Variants in DOK3 observed in about 807,000 individuals in gnomAD.
DOK3 encodes Dok-like protein.
In DOK3, 23 loss-of-function variants were observed where a neutral mutation model predicts 26.2. That is an observed-to-expected ratio of 0.88 (90% CI 0.63 to 1.24). The LOEUF (loss-of-function observed/expected upper bound fraction) is 1.24, where lower values mean the gene tolerates loss of function less well. Ranked by LOEUF, DOK3 falls within the 50% of genes most tolerant of loss-of-function variation. DOK3 has a pLI of 0.00. For synonymous variants in DOK3, 268 were observed against 268.2 expected (o/e 1.00, Z 0.01); for missense variants, 619 against 610.6 (o/e 1.01, Z -0.15).
At position 177,503,979 on chromosome 5, in the gene DOK3, G is replaced by T; in HGVS notation, c.*4C>A. 6.5e-7 allele frequency: 1 copy of T among 1,538,194 alleles called. No homozygotes were observed. ...TCCCCTCTGGCCACCACTCTGCTGG[G>T]CGTTCAGGGCCGGTCACAAGGGGCT... On this transcript the variant is annotated 3_prime_UTR_variant, in exon 6 of 6. Transcript: ENST00000510898.
rs1310032528 is a variant in DOK3, at chr5:177,509,792, T to G, written c.-152A>C. 1 of 1,611,932 alleles carries G rather than the reference T, an allele frequency of 6.2e-7. No homozygotes were observed. The highest frequency in any genetic ancestry group is 2.2e-5 in the East Asian group (1 of 44,860). ...GCCCCCGGCCACCTGAAGGCAGCCT[T>G]CTCACGCACCTGGTTCAGCTGGGCA... On this transcript the variant is annotated 5_prime_UTR_variant, in exon 1 of 6. Coordinates refer to ENST00000510898, the MANE Select transcript of DOK3 (RefSeq NM_001308236.3).
chr5:177,509,750 A>C lies in DOK3; in HGVS notation c.-118+8T>G. ...GGGGTTCTGGCTGCCCAAGGTGCCC[A>C]CACCTACCTGGAGGGAGCCCCCGGC... is the stretch of plus-strand genomic sequence containing the variant. On this transcript the variant is annotated splice_region_variant and intron_variant, in intron 1 of 5. Coordinates refer to ENST00000510898, the MANE Select transcript of DOK3 (RefSeq NM_001308236.3). The C allele has an allele frequency of 1.2e-6, 2 of 1,612,398 alleles. No homozygotes were observed. Among genetic ancestry groups the C allele is most frequent in the Non-Finnish European group, 1.7e-6 (2 of 1,179,808 alleles).
At chr5:177,504,972 T>C in intron 4 of DOK3, 39 bp downstream of exon 4, 1 of 1,587,344 alleles carries the variant, frequency 6.3e-7, no homozygotes, top group East Asian at 2.2e-5. Context: ...GCCCTGGGTG[T>C]GGGGGGCTGA....
At position 177,504,677 on chromosome 5, in the gene DOK3, C is replaced by T. The variant is rs765481984; in HGVS notation, c.646-17G>A. ...GAACACGCCCTGGGCACAGGGCACA[C>T]GGGTGGGGATTAGCAGGAGGGTCCA... On this transcript the variant is annotated splice_polypyrimidine_tract_variant and intron_variant, in intron 5 of 5. Transcript: ENST00000510898. 9.8e-5 allele frequency: 158 copies of T among 1,613,340 alleles called. No individual in the cohort carries two copies. The highest frequency in any genetic ancestry group is 1.7e-4 in the Admixed American group (10 of 59,978).
intron 3 of DOK3, 116 bp downstream of exon 3, chr5:177,508,121 T>C: frequency 8.0e-7 from 1 of 1,257,734 alleles, no homozygotes; most frequent in Non-Finnish European, 1.0e-6. Context: ...AGATTTACTT[T>C]TCCCAGGCTT....
rs760055646 is a variant in DOK3 at position 177,508,413 on chromosome 5, G to A, written c.196C>T (p.Arg66Ter). 3.7e-6 allele frequency: 6 copies of A among 1,602,086 alleles called. No homozygotes were observed. Among genetic ancestry groups the A allele is most frequent in the Non-Finnish European group, 4.2e-6 (5 of 1,177,944 alleles). ...AGDRSAGPGR[R>*]GERRVIRLAD... The stretch of plus-strand genomic sequence containing the variant: ...AGGCGGATGACCCGTCGCTCCCCTC[G>A]CCGGCCAGGCCCTGCCGACCTGTCA... Residue 66 changes from arginine (R) to a stop codon, truncating the protein, a stop_gained, in exon 3 of 6, where the codon CGA becomes TGA. Coordinates refer to ENST00000510898, the MANE Select transcript of DOK3 (RefSeq NM_001308236.3). LOFTEE classifies it high-confidence loss of function.
At chr5:177,510,872 A>C (rs1235007501), upstream of DOK3, 1 of 149,848 alleles carries the variant, frequency 6.7e-6, no homozygotes, top group Non-Finnish European at 1.5e-5. Context: ...ATACATGCAA[A>C]GTGCCTGGCT....
Position 177,509,665 on chromosome 5 carries a change from C to A in DOK3, c.-117-8G>T. On this transcript the variant is annotated splice_region_variant and splice_polypyrimidine_tract_variant and intron_variant, in intron 1 of 5. Coordinates refer to ENST00000510898, the MANE Select transcript of DOK3 (RefSeq NM_001308236.3). The stretch of plus-strand genomic sequence containing the variant: ...CCCTCCGTCTAGAGACAGCTGCAGG[C>A]CGGGGGGAGGGGAGCCTGTCTTCAG... The A allele has an allele frequency of 3.8e-6, 6 of 1,589,698 alleles. No individual in the cohort carries two copies. The highest frequency in any genetic ancestry group is 5.2e-6 in the Non-Finnish European group (6 of 1,165,034).
In DOK3 at chr5:177,504,063, G is replaced by C; in HGVS notation, c.1243C>G (p.Gln415Glu). ...ACCAGCTTGGCCTTGAAACCTGCCT[G>C]AGGGTCAGGGCGGCCTGTGCCCTCC... The part of the protein sequence containing the change: ...QVEGTGRPDP[Q>E]AGFKAKLVTL... Residue 415 changes from glutamine (Q) to glutamate (E), a missense_variant, in exon 6 of 6, where the codon CAG becomes GAG. Transcript: ENST00000510898. 1.2e-6 allele frequency: 2 copies of C among 1,606,444 alleles called. No homozygotes were observed. Among genetic ancestry groups the C allele is most frequent in the Non-Finnish European group, 1.7e-6 (2 of 1,176,626 alleles).
rs190282425 is a variant in DOK3 at position 177,503,042 on chromosome 5, G to A, written c.*941C>T. On this transcript the variant is annotated 3_prime_UTR_variant, in exon 6 of 6. Transcript: ENST00000510898. ...AATTGTGTGTCCGTCATGAAAATGA[G>A]GTTCAGGATGTGCCAAGGGTGTGTG... The A allele has an allele frequency of 3.5e-4, 528 of 1,517,862 alleles. 9 individuals are homozygous for A. The Admixed American group carries it at 0.01, about 29-fold the overall frequency. 94.0% of individuals were successfully genotyped at this position (1,517,862 alleles called of 1,614,324 possible).
intron 4 of DOK3, 37 bp downstream of exon 4, chr5:177,504,974 G>A (rs1392669214): frequency 6.3e-7 from 1 of 1,587,622 alleles, no homozygotes; most frequent in Admixed American, 1.8e-5. Flanking sequence ...CCTGGGTGTG[G>A]GGGGCTGAGG....
At position 177,504,859 on chromosome 5, in the gene DOK3, T is replaced by C. The variant is rs770288091; in HGVS notation, c.529A>G (p.Lys177Glu). The change falls in exon 5 of 6, where the codon AAG becomes GAG. Residue 177 changes from lysine (K) to glutamate (E), a missense_variant. Coordinates refer to ENST00000510898, the MANE Select transcript of DOK3 (RefSeq NM_001308236.3). ...RTEAATRCQL[K>E]GPALLVLGPD... is the part of the protein sequence containing the mutation. Reference sequence around the variant, plus strand: ...CCCAGCACCAGCAGGGCCGGCCCCTTCAGCTGGCAGCGGGTGGCGGCCTCA... The same window carrying C: ...CCCAGCACCAGCAGGGCCGGCCCCTCCAGCTGGCAGCGGGTGGCGGCCTCA... The C allele has an allele frequency of 1.2e-6, 2 of 1,609,282 alleles. No homozygotes were observed. Among genetic ancestry groups the C allele is most frequent in the Non-Finnish European group, 1.7e-6 (2 of 1,177,330 alleles).
At chr5:177,509,165 G>T (rs1760646275) in intron 2 of DOK3, 1 of 298,128 alleles carries the variant, frequency 3.4e-6, no homozygotes, top group Non-Finnish European at 6.3e-6. Context: ...TAGGGCCCTC[G>T]GTGGCACTAT....
Position 177,504,832 on chromosome 5 carries a change from G to A in DOK3, c.556C>T (p.Pro186Ser). ...LKGPALLVLG[P>S]DAIQLREAKG... ...GCCTCCCTCAGCTGGATGGCGTCTG[G>A]GCCCAGCACCAGCAGGGCCGGCCCC... is the stretch of plus-strand genomic sequence containing the variant. The change falls in exon 5 of 6, where the codon CCA becomes TCA. Residue 186 changes from proline (P) to serine (S), a missense_variant. Coordinates refer to ENST00000510898, the MANE Select transcript of DOK3 (RefSeq NM_001308236.3). The A allele has an allele frequency of 6.2e-7, 1 of 1,613,528 alleles. No homozygotes were observed. Among genetic ancestry groups the A allele is most frequent in the Non-Finnish European group, 8.5e-7 (1 of 1,179,736 alleles).
chr5:177,508,360 A>G lies in DOK3; in HGVS notation c.249T>C (p.Ala83=). Residue 83 remains alanine (A), a synonymous_variant, in exon 3 of 6, where the codon GCT becomes GCC. Transcript: ENST00000510898. ...TGTCCCGGGGGCAGCTCTCGCCGTC[A>G]GCCGGCAGCACGGACACACAGTCAG... ...RLADCVSVLP[A]DGESCPRDTG... 6.2e-7 allele frequency: 1 copy of G among 1,601,318 alleles called. No homozygotes were observed. Among genetic ancestry groups the G allele is most frequent in the Admixed American group, 1.7e-5 (1 of 59,816 alleles).
chr5:177,505,985 G>A (rs889979520), intron 3 of DOK3, among the ~76,000 whole-genome samples: 4 of 151,138 alleles, frequency 2.6e-5, no homozygotes, highest in African/African-American at 7.3e-5. Context: ...TGATCCGCCT[G>A]TCTCGGCCTC....
At position 177,506,558 on chromosome 5, in the gene DOK3, C is replaced by T. The variant is rs933341302; in HGVS notation, c.373-1448G>A. ...TTCACCATGTTGGCCAGGCTGGTCT[C>T]GAACTCCTGACCTCAGGTAATCCGC... On this transcript the variant is annotated intron_variant, in intron 3 of 5. Coordinates refer to ENST00000510898, the MANE Select transcript of DOK3 (RefSeq NM_001308236.3). 4.0e-5 allele frequency among the ~76,000 whole-genome samples: 6 copies of T among 151,766 alleles called. No individual in the cohort carries two copies. In the East Asian group the frequency reaches 1.2e-3, roughly 29 times the overall value.
At chr5:177,510,029 T>A, upstream of DOK3, 1 of 823,410 alleles carries the variant, frequency 1.2e-6, no homozygotes, top group Non-Finnish European at 1.9e-6. Context: ...GAAATCTCTC[T>A]CGTGTTCACC....
rs1469207891 is a variant in DOK3 at position 177,503,608 on chromosome 5, T to C, written c.*375A>G. The stretch of plus-strand genomic sequence containing the variant: ...TGTCACTCGGCCGTGCAGAGCAACA[T>C]GGAGTCCTAATGATTTCCATCCCGT... On this transcript the variant is annotated 3_prime_UTR_variant, in exon 6 of 6. Transcript: ENST00000510898. 2.3e-6 allele frequency: 3 copies of C among 1,282,298 alleles called. No homozygotes were observed. Among genetic ancestry groups the C allele is most frequent in the Non-Finnish European group, 3.1e-6 (3 of 967,090 alleles). 79.4% of individuals were successfully genotyped at this position (1,282,298 alleles called of 1,614,324 possible). A position where few individuals can be genotyped will look rare whatever the true frequency, so the allele number is the denominator to read the frequency against.
Sources: allele counts gnomAD v4.1 joint callset (sites outside exome capture counted in the v4.1 genomes callset), GRCh38; gene constraint gnomAD v4.1.1; transcripts MANE v1.5; gene names NCBI Gene and HGNC (gene_info 2026-07-23, HGNC 2026-07-21).